Variants in CTBP2 observed in about 807,000 individuals in gnomAD.
CTBP2 encodes the protein C-terminal binding protein 2.
CTBP2 carries 30 observed loss-of-function variants against 80.3 expected under a neutral mutation model. The ratio of observed to expected loss-of-function variants is 0.37; its 90% confidence interval spans 0.28 to 0.51. The LOEUF is 0.51. Ranked by LOEUF, CTBP2 falls within the 20% of genes least tolerant of loss-of-function variation. CTBP2 has a pLI of 0.93. For missense variants in CTBP2, 1,212 were observed against 1,375.3 expected (o/e 0.88, Z 1.88); for synonymous variants, 594 against 587.4 (o/e 1.01, Z -0.16).
intron 1 of CTBP2, among the ~76,000 whole-genome samples, chr10:125,131,015 T>C (rs1856083058): frequency 1.3e-5 from 2 of 152,178 alleles, no homozygotes; most frequent in Admixed American, 1.3e-4. Context: ...TGGAAGAGAC[T>C]TCTTGGGGAG....
intron 3 of CTBP2, among the ~76,000 whole-genome samples, chr10:125,034,203 G>C (rs193248215): frequency 5.4e-4 from 83 of 152,328 alleles, no homozygotes; most frequent in Non-Finnish European, 1.0e-3. Context: ...AGAACGGGAG[G>C]GCAGTCTATG....
chr10:125,032,382 G>C (rs12761407), upstream of CTBP2, among the ~76,000 whole-genome samples: 1 of 152,128 alleles, frequency 6.6e-6, no homozygotes, highest in Non-Finnish European at 1.5e-5. Flanking sequence ...AGGTCTCCTC[G>C]GCTGTCCTGC....
chr10:125,147,371 G>A (rs561209510), intron 1 of CTBP2, among the ~76,000 whole-genome samples: 1 of 152,338 alleles, frequency 6.6e-6, no homozygotes, highest in South Asian at 2.1e-4. Context: ...CCTTCTCCAG[G>A]AAGAGAAAGT....
At chr10:125,019,947 G>C (rs1956880322) in intron 1 of CTBP2, among the ~76,000 whole-genome samples, 1 of 152,182 alleles carries the variant, frequency 6.6e-6, no homozygotes, top group South Asian at 2.1e-4. Flanking sequence ...CAAGCACTGA[G>C]GTTGACAGAG....
Position 124,985,085 on chromosome 10 carries a change from TGAACCAAATCTGGCAG to T in CTBP2, c.*4417_*4432del. 9.8e-7 allele frequency: 1 copy of T among 1,021,378 alleles called. No individual in the cohort carries two copies. The highest frequency in any genetic ancestry group is 2.2e-5 in the Admixed American group (1 of 44,644). 63.3% of individuals were successfully genotyped at this position (1,021,378 alleles called of 1,614,324 possible). The stretch of plus-strand genomic sequence containing the variant: ...TCCAAGCAGAGTCGACATCATGGAA[TGAACCAAATCTGGCAG>T]GATCTGCTCGGGGAAGTGTTTTCCT... On this transcript the variant is annotated 3_prime_UTR_variant, in exon 9 of 9. Transcript: ENST00000309035.
intron 1 of CTBP2, among the ~76,000 whole-genome samples, chr10:125,152,109 G>A (rs999382161): frequency 1.3e-5 from 2 of 152,068 alleles, no homozygotes; most frequent in Non-Finnish European, 1.5e-5. Context: ...GCTGGGGCGG[G>A]GCCGCGCCGC....
chr10:125,107,447 GC>G (rs11335460), intron 2 of CTBP2, among the ~76,000 whole-genome samples: 33,755 of 128,746 alleles, frequency 0.26, 4,657 homozygotes, highest in African/African-American at 0.5. Context: ...TGGCCATGGC[GC>G]CAACACCTCC....
chr10:125,110,523 A>C (rs1852131467), intron 2 of CTBP2, among the ~76,000 whole-genome samples: 1 of 152,184 alleles, frequency 6.6e-6, no homozygotes, highest in South Asian at 2.1e-4. Context: ...GTAACACTAA[A>C]AGCCTAAGCT....
At chr10:125,033,678 C>A (rs1283481022) in intron 3 of CTBP2, among the ~76,000 whole-genome samples, 1 of 152,130 alleles carries the variant, frequency 6.6e-6, no homozygotes, top group African/African-American at 2.4e-5. Flanking sequence ...CACTGTTCCC[C>A]CCGCGGCACT....
intron 2 of CTBP2, among the ~76,000 whole-genome samples, chr10:125,102,391 T>G (rs1850767645): frequency 6.6e-6 from 1 of 152,216 alleles, no homozygotes; most frequent in South Asian, 2.1e-4. Flanking sequence ...TGCAATTCCA[T>G]GCTAAAGAAT....
chr10:125,040,506 C>CATT (rs1959371952), intron 2 of CTBP2, among the ~76,000 whole-genome samples: 1 of 131,514 alleles, frequency 7.6e-6, no homozygotes, highest in African/African-American at 2.9e-5. Flanking sequence ...TGGGAAACAA[C>CATT]ATTTAAGGCC....
intron 1 of CTBP2, among the ~76,000 whole-genome samples, chr10:125,117,180 T>C (rs1428951706): frequency 6.6e-6 from 1 of 152,220 alleles, no homozygotes; most frequent in Non-Finnish European, 1.5e-5. Flanking sequence ...TCTCTTCAGT[T>C]GCAGTGAGGA....
rs1220788712 is a variant in CTBP2, at chr10:125,027,146, T to TAGGC, written c.610_613dup (p.Tyr205CysfsTer17). 1 of 1,603,804 alleles carries TAGGC rather than the reference T, an allele frequency of 6.2e-7. No homozygotes were observed. The highest frequency in any genetic ancestry group is 1.7e-5 in the Admixed American group (1 of 59,618). On this transcript the variant is annotated frameshift_variant, in exon 1 of 9. Coordinates refer to ENST00000309035, the MANE Select transcript of CTBP2 (RefSeq NM_022802.3). LOFTEE classifies it high-confidence loss of function. ...GTCGCTGAAGACCTGGCTGAGGGGG[T>TAGGC]AGGCAGGCACCTCCGCCCCATACCT...
intron 6 of CTBP2, 25 bp downstream of exon 8, chr10:124,993,830 G>C: frequency 6.2e-7 from 1 of 1,602,300 alleles, no homozygotes; most frequent in Non-Finnish European, 8.5e-7. Context: ...GTGGGCTCCT[G>C]GTAGGCGGCT....
intron 1 of CTBP2, among the ~76,000 whole-genome samples, chr10:125,150,911 C>A (rs1216215757): frequency 6.6e-6 from 1 of 150,904 alleles, no homozygotes; most frequent in African/African-American, 2.4e-5. Context: ...CACAGACTCA[C>A]TATGTCCAGG....
chr10:125,013,902 G>A (rs867260101), intron 1 of CTBP2, among the ~76,000 whole-genome samples: 1 of 152,128 alleles, frequency 6.6e-6, no homozygotes, highest in Non-Finnish European at 1.5e-5. Flanking sequence ...ATCTTGCCTC[G>A]GCAGGCTGAG....
intron 1 of CTBP2, among the ~76,000 whole-genome samples, chr10:125,019,793 T>A (rs1311217431): frequency 6.6e-6 from 1 of 152,204 alleles, no homozygotes; most frequent in Non-Finnish European, 1.5e-5. Flanking sequence ...AGCAAATACG[T>A]AAGACTCCAA....
At chr10:125,043,184 A>T (rs897661577) in intron 2 of CTBP2, among the ~76,000 whole-genome samples, 1 of 152,234 alleles carries the variant, frequency 6.6e-6, no homozygotes, top group Non-Finnish European at 1.5e-5. Flanking sequence ...AACAAAAAGG[A>T]AAAACGGCAC....
At chr10:125,107,463 C>A (rs1174329762) in intron 2 of CTBP2, among the ~76,000 whole-genome samples, 1 of 152,238 alleles carries the variant, frequency 6.6e-6, no homozygotes. Flanking sequence ...ACCTCCACCA[C>A]TTCACAACCA....
Sources: allele counts gnomAD v4.1 joint callset (sites outside exome capture counted in the v4.1 genomes callset), GRCh38; gene constraint gnomAD v4.1.1; transcripts MANE v1.5; gene names NCBI Gene and HGNC (gene_info 2026-07-23, HGNC 2026-07-21).